The following CEP350 variants were observed in gnomAD, a reference collection of about 807,000 sequenced individuals.
CEP350 encodes centrosomal protein 350, also known as centrosome-associated protein 350.
Under a neutral mutation model 331.8 loss-of-function variants are expected in CEP350, and 126 were observed. The ratio of observed to expected loss-of-function variants is 0.38; its 90% CI spans 0.33 to 0.44. The LOEUF is 0.44. Ranked by LOEUF, CEP350 falls within the 20% of genes least tolerant of loss-of-function variation. The pLI is 1.00. For synonymous variants in CEP350, 1,200 were observed against 1,259.5 expected (o/e 0.95, Z 1.00); for missense variants, 3,406 against 3,634.6 (o/e 0.94, Z 1.62).
At chr1:180,010,606 C>CTT (rs1043402251) in intron 8 of CEP350, among the ~76,000 whole-genome samples, 1 of 144,562 alleles carries the variant, frequency 6.9e-6, no homozygotes. Context: ...TTCTTTCTTT[C>CTT]TTTTTTTTTT....
chr1:180,012,362 C>A (rs989527150), intron 9 of CEP350, among the ~76,000 whole-genome samples: 2 of 152,112 alleles, frequency 1.3e-5, no homozygotes, highest in African/African-American at 4.8e-5. Context: ...CTTTTAGGGA[C>A]CTTAGAGAGA....
intron 15 of CEP350, among the ~76,000 whole-genome samples, chr1:180,033,413 A>G (rs1262819015): frequency 6.6e-6 from 1 of 152,170 alleles, no homozygotes; most frequent in Non-Finnish European, 1.5e-5. Context: ...GGGTATAACA[A>G]AAGAATAGTT....
chr1:180,063,798 G>A (rs1210119437), intron 26 of CEP350, among the ~76,000 whole-genome samples: 2 of 112,250 alleles, frequency 1.8e-5, no homozygotes, highest in Non-Finnish European at 4.1e-5. Flanking sequence ...AGGTGATAAA[G>A]CAAGACCCTG....
At chr1:180,080,297 C>CA (rs201191990) in intron 29 of CEP350, among the ~76,000 whole-genome samples, 12 of 149,644 alleles carry the variant, frequency 8.0e-5, no homozygotes, top group African/African-American at 9.8e-5. Context: ...TCTATGCCTT[C>CA]AAAAAAAAAT....
Position 180,033,341 on chromosome 1 carries a change from A to G in CEP350, c.3726-521A>G, listed in dbSNP as rs184939165. Among the ~76,000 whole-genome samples the G allele has an allele frequency of 2.0e-5, 3 of 152,292 alleles. No homozygotes were observed. In the East Asian group the frequency reaches 5.8e-4, roughly 29 times the overall value. ...AAAAGCAGATATAAAGAAATGAAGT[A>G]TATTAAGTATTTAGAGATGAATAGT... On this transcript the variant is annotated intron_variant, in intron 15 of 37. Coordinates refer to ENST00000367607, the MANE Select transcript of CEP350 (RefSeq NM_014810.5).
intron 16 of CEP350, 107 bp downstream of exon 16, chr1:180,034,189 A>G (rs886497071): frequency 7.8e-7 from 1 of 1,278,450 alleles, no homozygotes; most frequent in Non-Finnish European, 1.1e-6. Flanking sequence ...TATTATTTCA[A>G]GTGAATATGA....
chr1:180,019,041 A>G (rs113746858), intron 11 of CEP350, among the ~76,000 whole-genome samples: 2 of 152,212 alleles, frequency 1.3e-5, no homozygotes, highest in African/African-American at 4.8e-5. Flanking sequence ...TATTTGTAGT[A>G]GAGATGAGTT....
In CEP350 at chr1:180,084,147, C is replaced by T; in HGVS notation, c.6254C>T (p.Ala2085Val). The change falls in exon 31 of 38, where the codon GCC becomes GTC. Residue 2085 changes from alanine to valine, a missense_variant. This residue lies in a region of CEP350 where 1,415 missense variants were observed against 1,512.3 expected (regional missense o/e 0.94). Transcript: ENST00000367607. ...QKKRQKERLK[A>V]QEASLIKQLE... is the part of the protein sequence containing the mutation. ...AAAAGGCAAAAGGAAAGACTGAAAGCCCAAGAAGCCAGTCTGATCAAGCAG... is the reference window on the plus strand; with the variant it reads ...AAAAGGCAAAAGGAAAGACTGAAAGTCCAAGAAGCCAGTCTGATCAAGCAG... 1 of 1,586,374 alleles carries T rather than the reference C, an allele frequency of 6.3e-7. No individual in the cohort carries two copies. The highest frequency in any genetic ancestry group is 8.6e-7 in the Non-Finnish European group (1 of 1,165,808).
chr1:180,041,908 A>C (rs1571910371), intron 19 of CEP350, 106 bp downstream of exon 19: 4 of 1,071,086 alleles, frequency 3.7e-6, no homozygotes, highest in East Asian at 2.6e-5. Context: ...GCATACTTTG[A>C]ATTAGTGACT....
rs773377065 is a variant in CEP350, at chr1:180,093,397, G to A, written c.7292G>A (p.Ser2431Asn). 16 of 1,599,062 alleles carry A rather than the reference G, an allele frequency of 1.0e-5. No homozygotes were observed. In the South Asian group the frequency reaches 1.7e-4, roughly 17 times the overall value. Residue 2431 changes from serine to asparagine, a missense_variant, in exon 34 of 38, where the codon AGT (serine) becomes AAT (asparagine). This residue lies in a region of CEP350 where 1,415 missense variants were observed against 1,512.3 expected (regional missense o/e 0.94). Transcript: ENST00000367607. ...ACAAGTGGAGCCACTAGCTTTGGTA[G>A]TAATGAGGAAATCAGTGAGTGCCTA... The part of the protein sequence containing the change: ...SSTSGATSFG[S>N]NEEISECLSE...
At chr1:180,024,928 CT>C (rs764201704) in intron 14 of CEP350, among the ~76,000 whole-genome samples, 170 of 144,714 alleles carry the variant, frequency 1.2e-3, no homozygotes, top group Non-Finnish European at 1.2e-3. Flanking sequence ...TATTTATTTA[CT>C]TTTTTTTTTT....
chr1:180,031,845 A>G (rs375045224), intron 15 of CEP350, among the ~76,000 whole-genome samples: 58 of 152,252 alleles, frequency 3.8e-4, no homozygotes, highest in African/African-American at 1.3e-3. Context: ...TTGTGAGGTC[A>G]TAGATCAATT....
intron 1 of CEP350, among the ~76,000 whole-genome samples, chr1:179,981,293 A>G (rs531514872): frequency 6.6e-6 from 1 of 152,300 alleles, no homozygotes; most frequent in African/African-American, 2.4e-5. Context: ...AATTTCCCAT[A>G]TGACTGTAGA....
At chr1:180,105,410 T>TG (rs1484308051) in intron 37 of CEP350, among the ~76,000 whole-genome samples, 1 of 152,112 alleles carries the variant, frequency 6.6e-6, no homozygotes, top group East Asian at 1.9e-4. Context: ...CTAGGACTCT[T>TG]GCTTGACTCC....
chr1:179,993,454 G>T (rs1653236891), intron 5 of CEP350, among the ~76,000 whole-genome samples: 1 of 152,094 alleles, frequency 6.6e-6, no homozygotes, highest in South Asian at 2.1e-4. Context: ...ACAAGGTCTT[G>T]CTCTGTTGCC....
At chr1:179,969,390 G>C (rs144123004) in intron 1 of CEP350, 146 of 514,466 alleles carry the variant, frequency 2.8e-4, no homozygotes, top group African/African-American at 2.6e-3. Flanking sequence ...GAGGGCGTGC[G>C]GGTGCCCTCT....
intron 22 of CEP350, among the ~76,000 whole-genome samples, chr1:180,049,543 C>CTTT (rs34061683): frequency 1.5e-5 from 2 of 130,186 alleles, no homozygotes; most frequent in African/African-American, 3.0e-5. Flanking sequence ...TTACTTACAC[C>CTTT]TTTTTTTTTT....
chr1:180,012,653 C>T lies in CEP350; in HGVS notation c.1393+578C>T, dbSNP rs1264158075. 3.9e-5 allele frequency among the ~76,000 whole-genome samples: 6 copies of T among 152,152 alleles called. No individual in the cohort carries two copies. The East Asian group carries it at 7.7e-4, about 19-fold the overall frequency. ...AATTTTGGGATGTGAAATATAAATA[C>T]TCATATGCCAGTTTTTCTTTTCAGC... On this transcript the variant is annotated intron_variant, in intron 9 of 37. Transcript: ENST00000367607.
chr1:180,014,451 A>G lies in CEP350; in HGVS notation c.1998A>G (p.Leu666=), dbSNP rs371538840. Residue 666 remains leucine, a synonymous_variant, in exon 10 of 38, where the codon CTA becomes CTG. Coordinates refer to ENST00000367607, the MANE Select transcript of CEP350 (RefSeq NM_014810.5). ...RLQETYSKLL[L]EKTLLEEPSH... ...AGGAAACTTACTCCAAATTGCTACT[A>G]GAAAAGACCTTGCTTGAAGAGCCAT... 3.8e-5 allele frequency: 61 copies of G among 1,609,994 alleles called. No homozygotes were observed. The highest frequency in any genetic ancestry group is 5.1e-5 in the Non-Finnish European group (60 of 1,178,496).
Sources: gnomAD v4.1 joint callset for allele counts (sites outside exome capture counted in the v4.1 genomes callset) on GRCh38, gnomAD v4.1.1 for gene constraint, gnomAD v4.1.1 regional missense constraint, MANE v1.5 for transcripts, NCBI Gene and HGNC (gene_info 2026-07-23, HGNC 2026-07-21) for gene names.